Variants in PRR16 observed in about 807,000 individuals in gnomAD.
PRR16 encodes proline rich 16.
A neutral mutation model predicts 18.2 loss-of-function variants in PRR16; 6 were observed. That is an observed-to-expected ratio of 0.33 (90% confidence interval 0.18 to 0.65). The LOEUF is 0.65. PRR16 is among the 30% of genes least tolerant of loss of function. PRR16 has a pLI of 0.74. For missense variants in PRR16, 412 were observed against 376.6 expected, an observed-to-expected ratio of 1.09 and a Z score of -0.78; for synonymous variants, 151 against 147.8, an observed-to-expected ratio of 1.02 and a Z score of -0.16.
At chr5:120,496,227 G>C (rs1750240704) in intron 1 of PRR16, among the ~76,000 whole-genome samples, 1 of 151,806 alleles carries the variant, frequency 6.6e-6, no homozygotes, top group South Asian at 2.1e-4. Context: ...CTGTAGATAT[G>C]GTGTGGACAT....
chr5:120,601,059 A>G lies in PRR16; in HGVS notation c.160-84895A>G, dbSNP rs375502606. Among the ~76,000 whole-genome samples, 430 of 152,010 alleles carry G rather than the reference A, an allele frequency of 2.8e-3. 22 individuals carry two copies. In the South Asian group the frequency reaches 0.085, roughly 30 times the overall value. On this transcript the variant is annotated intron_variant, in intron 1 of 1. Coordinates refer to ENST00000407149, the MANE Select transcript of PRR16 (RefSeq NM_001300783.2). ...ACAACTGCATATGTCTTTTTGGTAG[A>G]GTTATTTATATTCCTTTCAATATAT... is the stretch of plus-strand genomic sequence containing the variant.
chr5:120,642,261 T>C (rs1362774585), intron 1 of PRR16, among the ~76,000 whole-genome samples: 3 of 47,038 alleles, frequency 6.4e-5, no homozygotes, highest in Non-Finnish European at 1.8e-4. Context: ...TCAACAGCTG[T>C]TTTTTTTTTT....
At chr5:120,636,112 G>A (rs113769610) in intron 1 of PRR16, among the ~76,000 whole-genome samples, 1,868 of 151,932 alleles carry the variant, frequency 0.012, 46 homozygotes, top group African/African-American at 0.043. Flanking sequence ...AAAACACTGC[G>A]GAAAGAAATC....
At chr5:120,688,526 G>A (rs1757173598), downstream of PRR16, among the ~76,000 whole-genome samples, 1 of 152,066 alleles carries the variant, frequency 6.6e-6, no homozygotes, top group Admixed American at 6.6e-5. Context: ...TTTAATGCAT[G>A]CATTTAGTCT....
At chr5:120,667,337 TTC>T (rs373121841) in intron 1 of PRR16, among the ~76,000 whole-genome samples, 45,811 of 150,626 alleles carry the variant, frequency 0.3, 7,249 homozygotes, top group Middle Eastern at 0.42. Context: ...TATTTGATTC[TTC>T]TCTCTTTTTT....
the PRR16 span, among the ~76,000 whole-genome samples, chr5:120,750,208 C>G: frequency 6.6e-6 from 1 of 151,946 alleles, no homozygotes; most frequent in African/African-American, 2.4e-5. Flanking sequence ...TATTCAGCCT[C>G]AGTCATTTGA....
chr5:120,464,604 G>C lies in PRR16; in HGVS notation c.118G>C (p.Val40Leu). The change falls in exon 1 of 2, where the codon GTC (valine) becomes CTC (leucine). Residue 40 changes from valine to leucine, a missense_variant. Transcript: ENST00000407149. ...GATCATCGTGGAGGATTTGGAATTAGTCCTGGGCGACCTGAAGGACGTGGC... is the reference window on the plus strand; with the variant it reads ...GATCATCGTGGAGGATTTGGAATTACTCCTGGGCGACCTGAAGGACGTGGC... The part of the protein sequence containing the change: ...IKIIVEDLEL[V>L]LGDLKDVAKE... 1 of 1,578,996 alleles carries C rather than the reference G, an allele frequency of 6.3e-7. No homozygotes were observed. The highest frequency in any genetic ancestry group is 1.3e-5 in the African/African-American group (1 of 74,778).
rs537543135 is a variant in PRR16, at chr5:120,476,394, T to G, written c.159+11749T>G. On this transcript the variant is annotated intron_variant, in intron 1 of 1. Coordinates refer to ENST00000407149, the MANE Select transcript of PRR16 (RefSeq NM_001300783.2). Reference sequence around the variant, plus strand: ...CTGTGCTCCTTATGTTTATAATCATTACCCCACTATCTTGGATTTGCTTAT... The same window carrying G: ...CTGTGCTCCTTATGTTTATAATCATGACCCCACTATCTTGGATTTGCTTAT... Among the ~76,000 whole-genome samples the G allele has an allele frequency of 1.2e-4, 18 of 152,290 alleles. 1 individual carries two copies. In the South Asian group the frequency reaches 3.7e-3, roughly 32 times the overall value.
At chr5:120,561,530 C>T (rs946822180) in intron 1 of PRR16, among the ~76,000 whole-genome samples, 1 of 151,996 alleles carries the variant, frequency 6.6e-6, no homozygotes, top group African/African-American at 2.4e-5. Flanking sequence ...GTTTTGTTCC[C>T]TAACATACAG....
the PRR16 span, among the ~76,000 whole-genome samples, chr5:120,764,021 T>G: frequency 1.7e-4 from 26 of 152,156 alleles, no homozygotes; most frequent in Admixed American, 1.6e-3. Flanking sequence ...TCAGTTTGGC[T>G]TCACGTTTAT....
the PRR16 span, among the ~76,000 whole-genome samples, chr5:120,762,667 G>A: frequency 6.6e-6 from 1 of 152,032 alleles, no homozygotes; most frequent in Non-Finnish European, 1.5e-5. Flanking sequence ...TGAGTACCTT[G>A]TGTGTTCTAG....
At chr5:120,742,216 G>C in the PRR16 span, among the ~76,000 whole-genome samples, 1 of 148,266 alleles carries the variant, frequency 6.7e-6, no homozygotes, top group Non-Finnish European at 1.5e-5. Flanking sequence ...GAACATGTTA[G>C]TTTGAATTTC....
intron 1 of PRR16, among the ~76,000 whole-genome samples, chr5:120,568,415 G>A (rs1434723673): frequency 6.6e-6 from 1 of 152,086 alleles, no homozygotes. Flanking sequence ...TATGATCAGG[G>A]ATATGAGATA....
At chr5:120,601,471 T>C (rs775137674) in intron 1 of PRR16, among the ~76,000 whole-genome samples, 9 of 152,086 alleles carry the variant, frequency 5.9e-5, no homozygotes, top group Non-Finnish European at 8.8e-5. Context: ...TATTAGACCT[T>C]TGTCAGATGC....
chr5:120,542,623 A>G (rs79986940), intron 1 of PRR16, among the ~76,000 whole-genome samples: 7,692 of 152,282 alleles, frequency 0.051, 245 homozygotes, highest in East Asian at 0.11. Flanking sequence ...ACAAAAAATG[A>G]GATAGAGATT....
At chr5:120,654,179 G>T (rs1278729495) in intron 1 of PRR16, among the ~76,000 whole-genome samples, 1 of 151,912 alleles carries the variant, frequency 6.6e-6, no homozygotes, top group African/African-American at 2.4e-5. Flanking sequence ...TTTGCTGCTT[G>T]GAATGCAGAC....
chr5:120,674,402 C>T (rs569117180), intron 1 of PRR16, among the ~76,000 whole-genome samples: 1 of 152,128 alleles, frequency 6.6e-6, no homozygotes, highest in East Asian at 1.9e-4. Flanking sequence ...GTGTCTTTGT[C>T]CTTAATAGCT....
the PRR16 span, among the ~76,000 whole-genome samples, chr5:120,788,592 G>T: frequency 4.6e-5 from 7 of 152,012 alleles, no homozygotes; most frequent in Admixed American, 4.6e-4. Flanking sequence ...ATACAAAAAT[G>T]GCACCAATAG....
chr5:120,560,949 T>C (rs536413847), intron 1 of PRR16, among the ~76,000 whole-genome samples: 12 of 152,152 alleles, frequency 7.9e-5, no homozygotes, highest in African/African-American at 2.4e-4. Flanking sequence ...GATCCTTTGA[T>C]TTTCTGAAGT....
Sources: allele counts gnomAD v4.1 joint callset (sites outside exome capture counted in the v4.1 genomes callset), GRCh38; gene constraint gnomAD v4.1.1; transcripts MANE v1.5; gene names NCBI Gene and HGNC (gene_info 2026-07-23, HGNC 2026-07-21).